The following CELF2 variants were observed in gnomAD, a reference collection of about 807,000 sequenced individuals.
CELF2 encodes the protein CUGBP Elav-like family member 2, also known as CUG triplet repeat RNA-binding protein 2.
A neutral mutation model predicts 62.6 loss-of-function variants in CELF2; 8 were observed. The observed-to-expected ratio is 0.13, with a 90% CI of 0.07 to 0.23. The LOEUF (loss-of-function observed/expected upper bound fraction) is 0.23, where lower values mean the gene tolerates loss of function less well. CELF2 is among the 10% of genes least tolerant of loss of function. The pLI is 1.00. For missense variants in CELF2, 333 were observed against 671.0 expected (o/e 0.50, Z 5.56); for synonymous variants, 258 against 250.0 (o/e 1.03, Z -0.30).
intron 2 of CELF2, among the ~76,000 whole-genome samples, chr10:10,924,620 C>G (rs2065274031): frequency 6.6e-6 from 1 of 151,108 alleles, no homozygotes; most frequent in African/African-American, 2.4e-5. Context: ...TCATCTTGTA[C>G]TGGATTTTAG....
At chr10:11,005,237 G>C (rs1445821495), upstream of CELF2, 2 of 1,493,644 alleles carry the variant, frequency 1.3e-6, no homozygotes, top group African/African-American at 2.9e-5. This position sits in a 1 kb window ranked among gnomAD's most constrained non-coding sequence, Gnocchi z 4.3. Context: ...GGAAGAGAGT[G>C]GGAAGACAGA....
In CELF2 at chr10:11,224,188, C is replaced by T. The variant is rs2065766074; in HGVS notation, c.354+6681C>T. Among the ~76,000 whole-genome samples the T allele has an allele frequency of 6.6e-6, 1 of 152,170 alleles. No individual in the cohort carries two copies. Among genetic ancestry groups the T allele is most frequent in the South Asian group, 2.1e-4 (1 of 4,830 alleles). ...TTTGGCCTCAGAACCCAGTGGAAGG[C>T]AATGTTTAGTTTTGCAAACAACGTA... On this transcript the variant is annotated intron_variant, in intron 3 of 12. Coordinates refer to ENST00000633077, the MANE Select transcript of CELF2 (RefSeq NM_001326342.2). The surrounding 1 kb of genome is among the most constrained non-coding windows in gnomAD (Gnocchi z 4.5).
At chr10:10,937,121 C>CTTTTTTTTTTTTTTTTTTT (rs373143426) in intron 2 of CELF2, among the ~76,000 whole-genome samples, 45 of 90,522 alleles carry the variant, frequency 5.0e-4, no homozygotes, top group Non-Finnish European at 5.8e-4. Context: ...TTTTTCTTTT[C>CTTTTTTTTTTTTTTTTTTT]TTTTTTTTTT....
intron 2 of CELF2, among the ~76,000 whole-genome samples, chr10:10,979,759 G>C (rs1247435259): frequency 6.6e-6 from 1 of 151,286 alleles, no homozygotes; most frequent in Non-Finnish European, 1.5e-5. Context: ...AATCAAAGTT[G>C]ACAATGCCCG....
the CELF2 span, among the ~76,000 whole-genome samples, chr10:10,616,473 T>A: frequency 2.6e-5 from 4 of 152,018 alleles, no homozygotes; most frequent in African/African-American, 9.7e-5. Context: ...TGTGTCCAGG[T>A]TTCAGGTTCT....
intron 1 of CELF2, among the ~76,000 whole-genome samples, chr10:11,081,103 A>T (rs1436701182): frequency 1.3e-5 from 2 of 152,232 alleles, no homozygotes; most frequent in Non-Finnish European, 2.9e-5. Context: ...ATAGGGGGCA[A>T]TTCCAGTCTT....
intron 2 of CELF2, among the ~76,000 whole-genome samples, chr10:11,208,303 A>G (rs930415688): frequency 2.0e-5 from 3 of 152,190 alleles, no homozygotes; most frequent in Admixed American, 6.5e-5. Context: ...GAGAAAAGGC[A>G]CGCAGGTTGA....
At chr10:10,736,433 A>G in the CELF2 span, among the ~76,000 whole-genome samples, 2 of 74,802 alleles carry the variant, frequency 2.7e-5, no homozygotes, top group East Asian at 3.1e-4. Context: ...ATTGGTTTGT[A>G]TACTTGATTA....
rs369421105 is a variant in CELF2, at chr10:11,256,868, G to A, written c.404-870G>A. Among the ~76,000 whole-genome samples the A allele has an allele frequency of 4.4e-4, 67 of 152,034 alleles. 1 individual carries two copies. The highest frequency in any genetic ancestry group is 2.6e-3 in the Admixed American group (39 of 15,260). ...GTCAGGTGCCCAGGTTAGAATTTGC[G>A]TGTCGTCCTCATGATCCCCAAATGC... On this transcript the variant is annotated intron_variant, in intron 4 of 12. Transcript: ENST00000633077.
intron 1 of CELF2, among the ~76,000 whole-genome samples, chr10:10,828,008 A>C (rs1172642822): frequency 6.7e-6 from 1 of 149,276 alleles, no homozygotes; most frequent in Non-Finnish European, 1.5e-5. Flanking sequence ...CTTAAAAAAA[A>C]AAAAAAAAAA....
chr10:11,005,301 G>A (rs543444266), upstream of CELF2: 9 of 1,589,852 alleles, frequency 5.7e-6, no homozygotes, highest in South Asian at 9.1e-5. The surrounding 1 kb of genome is among the most constrained non-coding windows in gnomAD (Gnocchi z 4.3). Flanking sequence ...AGAGGGAGGA[G>A]AGGGCGCGTT....
At chr10:10,552,397 G>A in the CELF2 span, among the ~76,000 whole-genome samples, 2 of 152,186 alleles carry the variant, frequency 1.3e-5, no homozygotes, top group South Asian at 4.1e-4. Context: ...TTTCCTAATG[G>A]AGACTAGCAG....
intron 2 of CELF2, among the ~76,000 whole-genome samples, chr10:11,213,202 C>G (rs765559108): frequency 6.6e-6 from 1 of 152,150 alleles, no homozygotes; most frequent in Non-Finnish European, 1.5e-5. Flanking sequence ...ATGCATGGTG[C>G]GACCACTGAC....
rs116917562 is a variant in CELF2, at chr10:10,981,451, G to A, written c.89+61452G>A. On this transcript the variant is annotated intron_variant, in intron 2 of 13. Coordinates refer to the CELF2 transcript ENST00000636488. Reference sequence around the variant, plus strand: ...TCAAGGTTGAAGAATCCGCAGCGACGGTAATTTGCACAAGTCAATAAGTAC... The same window carrying A: ...TCAAGGTTGAAGAATCCGCAGCGACAGTAATTTGCACAAGTCAATAAGTAC... 9.7e-3 allele frequency among the ~76,000 whole-genome samples: 1,477 copies of A among 152,242 alleles called. 7 individuals carry two copies. Among genetic ancestry groups the A allele is most frequent in the Admixed American group, 0.018 (282 of 15,300 alleles).
chr10:10,519,858 C>T, the CELF2 span, among the ~76,000 whole-genome samples: 1 of 152,284 alleles, frequency 6.6e-6, no homozygotes, highest in Non-Finnish European at 1.5e-5. Context: ...TCAAAGAGTG[C>T]CAGAGGTGGT....
chr10:11,004,101 G>A (rs776336541), upstream of CELF2, among the ~76,000 whole-genome samples: 1 of 152,188 alleles, frequency 6.6e-6, no homozygotes, highest in African/African-American at 2.4e-5. This position sits in a 1 kb window ranked among gnomAD's most constrained non-coding sequence, Gnocchi z 5.0. Flanking sequence ...AGAGGTCAGA[G>A]ACCTAGCAAG....
At chr10:10,888,702 C>G (rs1447499014) in intron 1 of CELF2, among the ~76,000 whole-genome samples, 1 of 152,206 alleles carries the variant, frequency 6.6e-6, no homozygotes, top group Non-Finnish European at 1.5e-5. Flanking sequence ...GATCTGTGCT[C>G]TCTGCCTCAA....
rs1287294509 is a variant in CELF2 at position 11,191,422 on chromosome 10, A to G, written c.271+25740A>G. ...GTGTGGGAGGTACCCCAGGCAATGA[A>G]ACGGAGAGGTGTCTCCTGGTGTTGC... On this transcript the variant is annotated intron_variant, in intron 2 of 12. Coordinates refer to ENST00000633077, the MANE Select transcript of CELF2 (RefSeq NM_001326342.2). The surrounding 1 kb of genome is among the most constrained non-coding windows in gnomAD (Gnocchi z 4.1). Among the ~76,000 whole-genome samples, 1 of 152,170 alleles carries G rather than the reference A, an allele frequency of 6.6e-6. No individual in the cohort carries two copies. Among genetic ancestry groups the G allele is most frequent in the Non-Finnish European group, 1.5e-5 (1 of 68,008 alleles).
rs77663413 is a variant in CELF2, at chr10:10,867,900, T to C, written c.54-52064T>C. On this transcript the variant is annotated intron_variant, in intron 1 of 13. Transcript: ENST00000636488. ...TGTCTTCGTTTCCACATATCTGATA[T>C]TCCAAATATTTGTCCCTTTCTTAAA... Among the ~76,000 whole-genome samples the C allele has an allele frequency of 7.1e-3, 1,085 of 152,364 alleles. 14 individuals are homozygous for C. The highest frequency in any genetic ancestry group is 0.025 in the African/African-American group (1,029 of 41,578).
Sources: gnomAD v4.1 joint callset for allele counts (sites outside exome capture counted in the v4.1 genomes callset) on GRCh38, gnomAD v4.1.1 for gene constraint, Gnocchi (gnomAD v3.1) non-coding constraint, MANE v1.5 for transcripts, NCBI Gene and HGNC (gene_info 2026-07-23, HGNC 2026-07-21) for gene names.